The following LRRC4C variants were observed in gnomAD, a reference collection of about 807,000 sequenced individuals.
The protein encoded by LRRC4C is leucine-rich repeat-containing protein 4C.
In LRRC4C, 5 loss-of-function variants were observed where a neutral mutation model predicts 33.6. The ratio of observed to expected loss-of-function variants is 0.15; its 90% CI spans 0.08 to 0.31. The LOEUF is 0.31. LRRC4C is among the 10% of genes least tolerant of loss of function. The probability of loss-of-function intolerance (pLI) is 1.00; values close to 1 mark genes in which losing one functional copy is unlikely to be tolerated. For synonymous variants in LRRC4C, 329 were observed against 302.0 expected, an observed-to-expected ratio of 1.09 and a Z score of -0.93; for missense variants, 560 against 796.7, an observed-to-expected ratio of 0.70 and a Z score of 3.58.
At chr11:40,324,485 A>C (rs986221) in intron 3 of LRRC4C, among the ~76,000 whole-genome samples, 144,410 of 152,204 alleles carry the variant, frequency 0.95, 68,988 homozygotes, top group East Asian at 1. Context: ...GAAATGGGCA[A>C]TGAAAGATTG....
chr11:40,515,308 G>A (rs1377936656), intron 3 of LRRC4C, among the ~76,000 whole-genome samples: 2 of 151,918 alleles, frequency 1.3e-5, no homozygotes. Flanking sequence ...ATACACATTT[G>A]TCGAAAGGAA....
At chr11:40,429,071 G>A (rs1480257202) in intron 3 of LRRC4C, among the ~76,000 whole-genome samples, 3 of 152,134 alleles carry the variant, frequency 2.0e-5, no homozygotes, top group African/African-American at 7.2e-5. Flanking sequence ...TCCAAATCCT[G>A]TAATGGTATT....
intron 1 of LRRC4C, among the ~76,000 whole-genome samples, chr11:40,955,955 C>A (rs1336017755): frequency 6.6e-6 from 1 of 151,802 alleles, no homozygotes; most frequent in Admixed American, 6.6e-5. Context: ...TTCACATTCT[C>A]CGAAGGGTGC....
intron 5 of LRRC4C, among the ~76,000 whole-genome samples, chr11:40,203,259 C>T (rs112520989): frequency 0.011 from 1,682 of 152,150 alleles, 10 homozygotes; most frequent in Non-Finnish European, 0.018. Flanking sequence ...GGCAGCAACT[C>T]CATTAATATT....
chr11:41,399,881 G>A (rs1471038422), intron 1 of LRRC4C, among the ~76,000 whole-genome samples: 3 of 151,896 alleles, frequency 2.0e-5, no homozygotes, highest in African/African-American at 4.8e-5. Context: ...GCTACTGAAA[G>A]GGAAAAGCGA....
chr11:40,873,004 C>G (rs1954722408), intron 2 of LRRC4C, among the ~76,000 whole-genome samples: 1 of 151,992 alleles, frequency 6.6e-6, no homozygotes. Flanking sequence ...GATAATGATG[C>G]AGATGAGGGG....
intron 1 of LRRC4C, chr11:41,222,667 C>T (rs937022198): frequency 2.6e-5 from 4 of 151,956 alleles, no homozygotes; most frequent in African/African-American, 9.7e-5. Flanking sequence ...CCCAATCTAT[C>T]CCAGGGGAAG....
At chr11:40,188,111 T>G (rs1277598156) in intron 5 of LRRC4C, among the ~76,000 whole-genome samples, 1 of 152,206 alleles carries the variant, frequency 6.6e-6, no homozygotes, top group Non-Finnish European at 1.5e-5. Flanking sequence ...CCTGAAGCAT[T>G]AAGAAGACAG....
At chr11:40,182,385 T>G (rs781372394) in intron 5 of LRRC4C, among the ~76,000 whole-genome samples, 1 of 152,186 alleles carries the variant, frequency 6.6e-6, no homozygotes, top group Non-Finnish European at 1.5e-5. Context: ...AACTTCTGGA[T>G]TCTTCAGGGT....
intron 2 of LRRC4C, among the ~76,000 whole-genome samples, chr11:40,911,849 C>A (rs985987849): frequency 5.9e-5 from 9 of 152,158 alleles, no homozygotes; most frequent in Non-Finnish European, 8.8e-5. Flanking sequence ...AGAAGTCCTT[C>A]AAGGACCTGA....
chr11:40,577,536 CAG>C (rs1437787761), intron 3 of LRRC4C, among the ~76,000 whole-genome samples: 1 of 152,104 alleles, frequency 6.6e-6, no homozygotes, highest in Non-Finnish European at 1.5e-5. Flanking sequence ...GTAGTGAAAA[CAG>C]AGGAAAAGGG....
intron 2 of LRRC4C, among the ~76,000 whole-genome samples, chr11:40,886,743 A>T: frequency 6.6e-6 from 1 of 151,902 alleles, no homozygotes; most frequent in Non-Finnish European, 1.5e-5. Flanking sequence ...ACTCTATACT[A>T]AATGAAGAAA....
At position 41,163,808 on chromosome 11, in the gene LRRC4C, C is replaced by T. The variant is rs938064232; in HGVS notation, c.-495-230085G>A. ...TATATTTTTAGTAGAGACGAGGTTT[C>T]ACCATGTTGGCCAGGCTGGTCTCGA... On this transcript the variant is annotated intron_variant, in intron 1 of 6. Transcript: ENST00000528697. Among the ~76,000 whole-genome samples the T allele has an allele frequency of 1.4e-3, 207 of 152,126 alleles. 1 individual carries two copies. The highest frequency in any genetic ancestry group is 4.9e-3 in the African/African-American group (203 of 41,516).
At chr11:41,247,532 T>G (rs1948493347) in intron 1 of LRRC4C, among the ~76,000 whole-genome samples, 1 of 152,188 alleles carries the variant, frequency 6.6e-6, no homozygotes, top group Non-Finnish European at 1.5e-5. Context: ...AAAAAATAAG[T>G]GGTTCTAAGA....
intron 1 of LRRC4C, among the ~76,000 whole-genome samples, chr11:41,323,138 C>T (rs1415865603): frequency 6.6e-6 from 1 of 152,100 alleles, no homozygotes; most frequent in Non-Finnish European, 1.5e-5. Flanking sequence ...TGGAAAGTGT[C>T]CTGTTTACAA....
At chr11:40,749,129 A>G (rs1948566765) in intron 2 of LRRC4C, among the ~76,000 whole-genome samples, 1 of 152,168 alleles carries the variant, frequency 6.6e-6, no homozygotes, top group East Asian at 1.9e-4. Context: ...TGAACTTAAC[A>G]TTTATTTACA....
intron 1 of LRRC4C, among the ~76,000 whole-genome samples, chr11:41,400,878 C>T (rs1217803576): frequency 6.6e-6 from 1 of 151,772 alleles, no homozygotes; most frequent in Non-Finnish European, 1.5e-5. Flanking sequence ...TTAAATATTG[C>T]CTTGATTTTG....
rs143897341 is a variant in LRRC4C, at chr11:40,363,102, C to T, written c.-269-43381G>A. On this transcript the variant is annotated intron_variant, in intron 3 of 6. Transcript: ENST00000528697. ...AATTGTTCTCTTATAAGGACACATG[C>T]ATGCATATGTTCATTGCAGCACTAT... 2.3e-3 allele frequency among the ~76,000 whole-genome samples: 354 copies of T among 152,242 alleles called. 1 individual carries two copies. Among genetic ancestry groups the T allele is most frequent in the African/African-American group, 8.0e-3 (334 of 41,540 alleles).
chr11:40,787,774 G>C (rs76387247), intron 2 of LRRC4C, among the ~76,000 whole-genome samples: 54 of 152,296 alleles, frequency 3.5e-4, no homozygotes, highest in African/African-American at 1.2e-3. Flanking sequence ...ATTGGAGCTA[G>C]CTGAGTGTAA....
Sources: allele counts gnomAD v4.1 joint callset (sites outside exome capture counted in the v4.1 genomes callset), GRCh38; gene constraint gnomAD v4.1.1; transcripts MANE v1.5; gene names NCBI Gene and HGNC (gene_info 2026-07-23, HGNC 2026-07-21).